ROBO2: variants seen among roughly 807,000 people sequenced by gnomAD.
ROBO2 encodes roundabout guidance receptor 2, also known as roundabout homolog 2.
ROBO2 carries 53 observed loss-of-function variants against 160.8 expected under a neutral mutation model. The ratio of observed to expected loss-of-function variants is 0.33; its 90% confidence interval spans 0.26 to 0.41. The LOEUF (loss-of-function observed/expected upper bound fraction) is 0.41, where lower values mean the gene tolerates loss of function less well. Among genes scored for constraint, ROBO2 ranks in the 10% least tolerant of loss-of-function variants. The pLI is 1.00. For missense variants in ROBO2, 1,577 were observed against 1,722.4 expected (o/e 0.92, Z 1.49); for synonymous variants, 664 against 611.7 (o/e 1.09, Z -1.26).
intron 2 of ROBO2, among the ~76,000 whole-genome samples, chr3:76,433,532 T>G (rs575187742): frequency 6.6e-6 from 1 of 152,330 alleles, no homozygotes; most frequent in Admixed American, 6.5e-5. Context: ...TGTGTTATTT[T>G]TTCTGCGTAA....
At chr3:76,094,728 A>AG (rs1272796152) in intron 2 of ROBO2, among the ~76,000 whole-genome samples, 1 of 152,244 alleles carries the variant, frequency 6.6e-6, no homozygotes, top group Non-Finnish European at 1.5e-5. Flanking sequence ...CTATGTAAAT[A>AG]TTGTTCATTT....
chr3:76,248,661 A>T (rs1474816935), intron 2 of ROBO2, among the ~76,000 whole-genome samples: 2 of 101,128 alleles, frequency 2.0e-5, no homozygotes, highest in African/African-American at 1.0e-4. Context: ...AAAAAAACTT[A>T]AAAAAAAAAA....
chr3:76,135,596 C>T (rs1055744804), intron 2 of ROBO2, among the ~76,000 whole-genome samples: 3 of 152,078 alleles, frequency 2.0e-5, no homozygotes, highest in Non-Finnish European at 4.4e-5. Context: ...CACAATTACC[C>T]TAGAGGAATC....
intron 2 of ROBO2, among the ~76,000 whole-genome samples, chr3:76,742,962 C>T (rs2093826871): frequency 6.6e-6 from 1 of 151,976 alleles, no homozygotes; most frequent in Admixed American, 6.6e-5. Context: ...GAAACATGAG[C>T]AAATTACTAT....
intron 2 of ROBO2, among the ~76,000 whole-genome samples, chr3:76,070,893 T>G (rs866515922): frequency 6.6e-6 from 1 of 152,314 alleles, no homozygotes; most frequent in Middle Eastern, 3.4e-3. Flanking sequence ...TTTGCGATTC[T>G]TTGAGAGTCT....
Position 76,083,554 on chromosome 3 carries a change from T to C in ROBO2, c.109+145952T>C, listed in dbSNP as rs1477760812. ...GTTTGTGATTTTTGCATTTTAAATTTAAGTGTAGAAACTTACTAAGCTTTT... is the reference window on the plus strand; with the variant it reads ...GTTTGTGATTTTTGCATTTTAAATTCAAGTGTAGAAACTTACTAAGCTTTT... On this transcript the variant is annotated intron_variant, in intron 2 of 26. Coordinates refer to the ROBO2 transcript ENST00000487694. Among the ~76,000 whole-genome samples the C allele has an allele frequency of 2.6e-5, 4 of 152,184 alleles. No individual in the cohort carries two copies. The East Asian group carries it at 5.8e-4, about 22-fold the overall frequency.
At position 76,845,017 on chromosome 3, in the gene ROBO2, A is replaced by G. The variant is rs551963183; in HGVS notation, c.110-252997A>G. On this transcript the variant is annotated intron_variant, in intron 2 of 26. Coordinates refer to the ROBO2 transcript ENST00000487694. ...TATTTTCAGCCTGGGCCTTATCTGCATATTCTCTGCTGATCAAAATGCAGT... is the reference window on the plus strand; with the variant it reads ...TATTTTCAGCCTGGGCCTTATCTGCGTATTCTCTGCTGATCAAAATGCAGT... Among the ~76,000 whole-genome samples, 4 of 152,094 alleles carry G rather than the reference A, an allele frequency of 2.6e-5. No individual in the cohort carries two copies. The East Asian group carries it at 5.8e-4, about 22-fold the overall frequency.
chr3:77,181,700 G>T (rs1463042374), intron 2 of ROBO2, among the ~76,000 whole-genome samples: 1 of 151,978 alleles, frequency 6.6e-6, no homozygotes, highest in Non-Finnish European at 1.5e-5. Context: ...AAAAGAAAAT[G>T]ATGCTCAATA....
rs367641763 is a variant in ROBO2 at position 76,335,726 on chromosome 3, G to A, written c.109+398124G>A. On this transcript the variant is annotated intron_variant, in intron 2 of 26. Transcript: ENST00000487694. Reference sequence around the variant, plus strand: ...CCGAGCAGCTGGGACTACAGGCGCCGCCACCACGCCCAGCTAATTTTTTGT... The same window carrying A: ...CCGAGCAGCTGGGACTACAGGCGCCACCACCACGCCCAGCTAATTTTTTGT... 6.0e-3 allele frequency among the ~76,000 whole-genome samples: 909 copies of A among 151,804 alleles called. 5 individuals carry two copies. Among genetic ancestry groups the A allele is most frequent in the African/African-American group, 0.02 (817 of 41,408 alleles).
At chr3:76,440,332 T>A (rs2076870044) in intron 2 of ROBO2, among the ~76,000 whole-genome samples, 1 of 152,102 alleles carries the variant, frequency 6.6e-6, no homozygotes, top group African/African-American at 2.4e-5. Flanking sequence ...ACATGTGCCA[T>A]GTTGGTGTGC....
At chr3:77,136,475 T>C in intron 2 of ROBO2, among the ~76,000 whole-genome samples, 1 of 128,704 alleles carries the variant, frequency 7.8e-6, no homozygotes, top group Non-Finnish European at 1.6e-5. Context: ...GGGCATAAAA[T>C]ATGCTTTTTT....
intron 2 of ROBO2, among the ~76,000 whole-genome samples, chr3:77,104,927 G>A (rs4615118): frequency 6.6e-6 from 1 of 151,862 alleles, no homozygotes; most frequent in East Asian, 1.9e-4. Context: ...ACTGTTTTCA[G>A]TTTGGTCCCA....
At chr3:76,424,310 G>A (rs997153804) in intron 2 of ROBO2, among the ~76,000 whole-genome samples, 4 of 152,098 alleles carry the variant, frequency 2.6e-5, no homozygotes, top group Non-Finnish European at 4.4e-5. Context: ...TATTGAAAGT[G>A]TTATTAACAA....
chr3:77,004,134 A>G (rs1190731965), intron 2 of ROBO2, among the ~76,000 whole-genome samples: 1 of 152,178 alleles, frequency 6.6e-6, no homozygotes, highest in East Asian at 1.9e-4. Context: ...TGCCTTTATA[A>G]TAAAGGTCTA....
chr3:76,079,858 A>C (rs1271681082), intron 2 of ROBO2, among the ~76,000 whole-genome samples: 1 of 152,184 alleles, frequency 6.6e-6, no homozygotes, highest in African/African-American at 2.4e-5. Flanking sequence ...GAAAGAAGGA[A>C]GAAAGAAATT....
intron 2 of ROBO2, among the ~76,000 whole-genome samples, chr3:77,412,423 G>A (rs2076877855): frequency 6.6e-6 from 1 of 152,220 alleles, no homozygotes; most frequent in Admixed American, 6.5e-5. Flanking sequence ...GCTTCATGAT[G>A]GAATGTTTGT....
chr3:76,676,887 A>T (rs1478797748), intron 2 of ROBO2, among the ~76,000 whole-genome samples: 1 of 151,894 alleles, frequency 6.6e-6, no homozygotes, highest in Non-Finnish European at 1.5e-5. Context: ...CTTTAGGTTC[A>T]TGCCCATCAC....
intron 2 of ROBO2, among the ~76,000 whole-genome samples, chr3:77,413,478 C>T (rs1241912872): frequency 2.0e-5 from 3 of 152,036 alleles, no homozygotes; most frequent in African/African-American, 7.2e-5. Flanking sequence ...AGACAGGAAT[C>T]CATTGAAAGG....
At chr3:76,687,692 C>T (rs1402702968) in intron 2 of ROBO2, among the ~76,000 whole-genome samples, 1 of 151,890 alleles carries the variant, frequency 6.6e-6, no homozygotes, top group South Asian at 2.1e-4. Flanking sequence ...CTTCAAAAAG[C>T]AGGAAATGGT....
Sources: gnomAD v4.1 joint callset for allele counts (sites outside exome capture counted in the v4.1 genomes callset) on GRCh38, gnomAD v4.1.1 for gene constraint, MANE v1.5 for transcripts, NCBI Gene and HGNC (gene_info 2026-07-23, HGNC 2026-07-21) for gene names.